Variants in PARD3B observed in about 807,000 individuals in gnomAD.
The protein encoded by PARD3B is partitioning defective 3 homolog B.
In PARD3B, 103 loss-of-function variants were observed where a neutral mutation model predicts 130.2. The ratio of observed to expected loss-of-function variants is 0.79; its 90% CI spans 0.67 to 0.93. The LOEUF is 0.93. Ranked by LOEUF, PARD3B falls within the 40% of genes least tolerant of loss-of-function variation. The pLI, the probability that PARD3B is intolerant of heterozygous loss-of-function variation, is 0.00. For missense variants in PARD3B, 1,609 were observed against 1,499.2 expected, an observed-to-expected ratio of 1.07 and a Z score of -1.21; for synonymous variants, 583 against 553.2, an observed-to-expected ratio of 1.05 and a Z score of -0.76.
chr2:205,013,463 G>A (rs993378538), intron 3 of PARD3B, among the ~76,000 whole-genome samples: 2 of 152,054 alleles, frequency 1.3e-5, no homozygotes, highest in Non-Finnish European at 2.9e-5. Context: ...ATCCAGTGGT[G>A]TAGTGTCTGT....
chr2:205,112,640 G>A (rs994223773), intron 5 of PARD3B, among the ~76,000 whole-genome samples: 14 of 152,008 alleles, frequency 9.2e-5, no homozygotes, highest in South Asian at 6.2e-4. Flanking sequence ...TGGGATTAAC[G>A]GAGCCAGTAA....
rs946797684 is a variant in PARD3B at position 204,916,929 on chromosome 2, G to C, written c.223-48223G>C. On this transcript the variant is annotated intron_variant, in intron 2 of 22. Coordinates refer to ENST00000406610, the MANE Select transcript of PARD3B (RefSeq NM_001302769.2). ...TTAAAGTATTTTTCTAGATACAGTGGATGCATAGAACAATGAATGAAATGG... is the reference window on the plus strand; with the variant it reads ...TTAAAGTATTTTTCTAGATACAGTGCATGCATAGAACAATGAATGAAATGG... 2.6e-5 allele frequency among the ~76,000 whole-genome samples: 4 copies of C among 152,130 alleles called. 1 individual carries two copies. Among genetic ancestry groups the C allele is most frequent in the Non-Finnish European group, 5.9e-5 (4 of 68,026 alleles).
chr2:205,045,791 A>C (rs1193506309), intron 3 of PARD3B, among the ~76,000 whole-genome samples: 3 of 151,896 alleles, frequency 2.0e-5, no homozygotes, highest in Non-Finnish European at 4.4e-5. Flanking sequence ...ACACACATAC[A>C]TATATATACA....
At chr2:204,563,289 G>T in intron 1 of PARD3B, among the ~76,000 whole-genome samples, 1 of 124,470 alleles carries the variant, frequency 8.0e-6, no homozygotes. Context: ...CCTTTATAAG[G>T]ACACCAGTCA....
rs2036204818 is a variant in PARD3B, at chr2:204,669,777, G to A, written c.121-16404G>A. On this transcript the variant is annotated intron_variant, in intron 1 of 22. Transcript: ENST00000406610. The surrounding 1 kb of genome is among the most constrained non-coding windows in gnomAD (Gnocchi z 4.3). ...GAGCCGACAGAAATGGGAAGGGAAG[G>A]GGTGGAAGGTGAGGAAAAGAGTAAG... Among the ~76,000 whole-genome samples the A allele has an allele frequency of 6.6e-6, 1 of 152,160 alleles. No individual in the cohort carries two copies. Among genetic ancestry groups the A allele is most frequent in the Non-Finnish European group, 1.5e-5 (1 of 68,022 alleles).
At chr2:205,162,148 T>C (rs532244968) in intron 11 of PARD3B, among the ~76,000 whole-genome samples, 1 of 152,348 alleles carries the variant, frequency 6.6e-6, no homozygotes, top group African/African-American at 2.4e-5. Flanking sequence ...AGCCAGCTAC[T>C]CTAGGACGCC....
chr2:205,273,612 G>A (rs1311292576), intron 16 of PARD3B, among the ~76,000 whole-genome samples: 7 of 152,126 alleles, frequency 4.6e-5, no homozygotes, highest in Non-Finnish European at 7.4e-5. Flanking sequence ...ATGGATTTGC[G>A]TAAGAGTTCA....
intron 1 of PARD3B, among the ~76,000 whole-genome samples, chr2:204,667,760 A>G (rs564213624): frequency 6.6e-6 from 1 of 152,284 alleles, no homozygotes; most frequent in South Asian, 2.1e-4. Flanking sequence ...CAGCGCTTTC[A>G]TAGAATCTTT....
At chr2:205,512,791 C>A (rs375047191) in intron 21 of PARD3B, among the ~76,000 whole-genome samples, 17 of 152,056 alleles carry the variant, frequency 1.1e-4, no homozygotes, top group African/African-American at 3.1e-4. Flanking sequence ...GAAAGACAAT[C>A]CCCATCATGA....
In PARD3B at chr2:204,745,726, C is replaced by T. The variant is rs556792874; in HGVS notation, c.222+59444C>T. The stretch of plus-strand genomic sequence containing the variant: ...CCGATACTACCATTTTCATTACACC[C>T]AGAAGGTTGAGCCAATCTAATAATC... On this transcript the variant is annotated intron_variant, in intron 2 of 22. Coordinates refer to ENST00000406610, the MANE Select transcript of PARD3B (RefSeq NM_001302769.2). Among the ~76,000 whole-genome samples, 7 of 152,076 alleles carry T rather than the reference C, an allele frequency of 4.6e-5. 1 individual carries two copies. Among genetic ancestry groups the T allele is most frequent in the Middle Eastern group, 3.4e-3 (1 of 294 alleles).
intron 11 of PARD3B, among the ~76,000 whole-genome samples, chr2:205,171,164 A>T (rs1215527026): frequency 6.6e-6 from 1 of 150,704 alleles, no homozygotes; most frequent in Non-Finnish European, 1.5e-5. Flanking sequence ...TGACTTTATT[A>T]GCAGCAGCAG....
At chr2:205,532,267 A>C (rs2106433417) in intron 21 of PARD3B, among the ~76,000 whole-genome samples, 1 of 152,120 alleles carries the variant, frequency 6.6e-6, no homozygotes, top group Admixed American at 6.5e-5. Flanking sequence ...GAGGCTTTAA[A>C]AATATACTTG....
At chr2:205,191,025 A>G (rs559944379) in intron 14 of PARD3B, among the ~76,000 whole-genome samples, 2 of 151,172 alleles carry the variant, frequency 1.3e-5, no homozygotes, top group East Asian at 4.0e-4. Flanking sequence ...CACTTTATAT[A>G]TCAATGGCTT....
intron 15 of PARD3B, among the ~76,000 whole-genome samples, chr2:205,217,778 G>GTA (rs201810162): frequency 2.0e-4 from 29 of 142,548 alleles, no homozygotes; most frequent in African/African-American, 2.6e-4. Flanking sequence ...AAGTATATAT[G>GTA]TATATATATG....
chr2:205,208,796 AG>A (rs2125843146), intron 15 of PARD3B, among the ~76,000 whole-genome samples: 1 of 145,280 alleles, frequency 6.9e-6, no homozygotes, highest in African/African-American at 2.7e-5. Flanking sequence ...CATACTGCCC[AG>A]GGTAATTTAC....
intron 19 of PARD3B, among the ~76,000 whole-genome samples, chr2:205,414,136 T>TG (rs2046695691): frequency 6.6e-6 from 1 of 152,204 alleles, no homozygotes; most frequent in African/African-American, 2.4e-5. Context: ...ATTTGTGATG[T>TG]ATCAGATGCC....
chr2:205,381,050 T>TATATATAAATATATA (rs2045403233), intron 18 of PARD3B, among the ~76,000 whole-genome samples: 1 of 23,138 alleles, frequency 4.3e-5, no homozygotes, highest in African/African-American at 1.1e-4. Flanking sequence ...GAATATATAT[T>TATATATAAATATATA]ATATATAAAG....
At chr2:205,100,533 T>C (rs1297761169) in intron 4 of PARD3B, among the ~76,000 whole-genome samples, 2 of 151,810 alleles carry the variant, frequency 1.3e-5, no homozygotes, top group Non-Finnish European at 2.9e-5. Flanking sequence ...GCCAAAGCAA[T>C]CTTGAAAAAT....
intron 1 of PARD3B, among the ~76,000 whole-genome samples, chr2:204,633,443 C>A (rs1378005711): frequency 2.0e-5 from 3 of 152,138 alleles, no homozygotes; most frequent in Non-Finnish European, 4.4e-5. Context: ...CATATTTTCA[C>A]ATCTAAAAAC....
Sources: gnomAD v4.1 joint callset for allele counts (sites outside exome capture counted in the v4.1 genomes callset) on GRCh38, gnomAD v4.1.1 for gene constraint, Gnocchi (gnomAD v3.1) non-coding constraint, MANE v1.5 for transcripts, NCBI Gene and HGNC (gene_info 2026-07-23, HGNC 2026-07-21) for gene names.